Variants in ATP7B observed in about 807,000 individuals in gnomAD.
ATP7B encodes the protein copper-transporting ATPase 2.
ATP7B carries 113 observed loss-of-function variants against 118.9 expected under a neutral mutation model. The ratio of observed to expected loss-of-function variants is 0.95; its 90% CI spans 0.82 to 1.11. The LOEUF (loss-of-function observed/expected upper bound fraction) is 1.11, where lower values mean the gene tolerates loss of function less well. ATP7B is among the 50% of genes most tolerant of loss of function. The pLI is 0.00. For missense variants in ATP7B, 1,867 were observed against 1,871.4 expected (o/e 1.00, Z 0.04); for synonymous variants, 777 against 727.4 (o/e 1.07, Z -1.10).
At chr13:51,978,967 G>A (rs911051723) in intron 1 of ATP7B, 3 of 152,258 alleles carry the variant, frequency 2.0e-5, no homozygotes, top group African/African-American at 7.2e-5. Context: ...GCTTGCTGCC[G>A]GCTAGGGGCT....
In ATP7B at chr13:51,939,091, G is replaced by A. The variant is rs193922107; in HGVS notation, c.3659C>T (p.Thr1220Met). 7 of 1,614,212 alleles carry A rather than the reference G, an allele frequency of 4.3e-6. No individual in the cohort carries two copies. The highest frequency in any genetic ancestry group is 1.6e-4 in the Middle Eastern group (1 of 6,062). The change falls in exon 17 of 21, where the codon ACG (threonine) becomes ATG (methionine). Residue 1220 changes from threonine to methionine, a missense_variant. By Grantham distance (81) the Thr-to-Met change is moderately conservative. Coordinates refer to ENST00000242839, the MANE Select transcript of ATP7B (RefSeq NM_000053.4). ...QSMGVDVVLITGDNRKTARAI... is the reference protein window; with the variant it reads ...QSMGVDVVLIMGDNRKTARAI... ...TCTGGCTGTCTTCCGGTTGTCCCCC[G>A]TGATCAGAACCACGTCCACACCCAT... is the stretch of plus-strand genomic sequence containing the variant.
chr13:51,950,407 A>G lies in ATP7B; in HGVS notation c.2448-8T>C. ...ATGGGGACTTGCTCCTCCCTGCAACAAACGCCACTTATCACTCACATGGCC... is the reference window on the plus strand; with the variant it reads ...ATGGGGACTTGCTCCTCCCTGCAACGAACGCCACTTATCACTCACATGGCC... On this transcript the variant is annotated splice_region_variant and splice_polypyrimidine_tract_variant and intron_variant, in intron 9 of 20. Transcript: ENST00000242839. The G allele has an allele frequency of 6.2e-7, 1 of 1,613,780 alleles. No individual in the cohort carries two copies. The highest frequency in any genetic ancestry group is 8.5e-7 in the Non-Finnish European group (1 of 1,180,024).
At position 51,937,389 on chromosome 13, in the gene ATP7B, T is replaced by A; in HGVS notation, c.3908A>T (p.Asp1303Val). 6.2e-7 allele frequency: 1 copy of A among 1,614,162 alleles called. No individual in the cohort carries two copies. The highest frequency in any genetic ancestry group is 8.5e-7 in the Non-Finnish European group (1 of 1,180,034). ...AATGCTAGCCACCACATCCAGCAAA[T>A]CATTCTGATGGAGAGGAGCACACAG... ...EAADVVLIRN[D>V]LLDVVASIHL... is the part of the protein sequence containing the mutation. The change falls in exon 19 of 21, where the codon GAT becomes GTT. Residue 1303 changes from aspartate to valine, a missense_variant. Coordinates refer to ENST00000242839, the MANE Select transcript of ATP7B (RefSeq NM_000053.4).
rs781688887 is a variant in ATP7B, at chr13:51,964,992, C to T, written c.1749G>A (p.Glu583=). 3 of 1,614,186 alleles carry T rather than the reference C, an allele frequency of 1.9e-6. No homozygotes were observed. The highest frequency in any genetic ancestry group is 3.3e-5 in the Admixed American group (2 of 60,024). ...TGCCATTTGTCCTCGTGAGTTTGGA[C>T]TCTATGTTGTGGACACAGGACGCGC... ...MTCASCVHNI[E]SKLTRTNGIT... is the part of the protein sequence containing the mutation. Residue 583 remains glutamate, a synonymous_variant, in exon 5 of 21, where the codon GAG becomes GAA. Coordinates refer to ENST00000242839, the MANE Select transcript of ATP7B (RefSeq NM_000053.4).
chr13:52,001,246 C>G (rs547487543), intron 1 of ATP7B, among the ~76,000 whole-genome samples: 1 of 152,262 alleles, frequency 6.6e-6, no homozygotes, highest in Admixed American at 6.5e-5. Flanking sequence ...CTGCTCTTAG[C>G]CCCTAAAGTC....
chr13:51,970,780 T>C (rs1375334128), intron 2 of ATP7B, 31 bp from the exon 3 acceptor site: 3 of 1,608,188 alleles, frequency 1.9e-6, no homozygotes, highest in Non-Finnish European at 2.6e-6. Context: ...ATATTCAAAT[T>C]AGAAGAGCAA....
rs144090600 is a variant in ATP7B, at chr13:51,953,804, T to C, written c.2448-3405A>G. 4.2e-3 allele frequency among the ~76,000 whole-genome samples: 598 copies of C among 141,890 alleles called. 4 individuals carry two copies. The highest frequency in any genetic ancestry group is 0.013 in the African/African-American group (507 of 38,300). 93.1% of individuals were successfully genotyped at this position (141,890 alleles called of 152,430 possible). A position where few individuals can be genotyped will look rare whatever the true frequency, so the allele number is the denominator to read the frequency against. On this transcript the variant is annotated intron_variant, in intron 9 of 20. Transcript: ENST00000242839. Reference sequence around the variant, plus strand: ...AACAAAGAAAAAACTTATAGCATTATGGTCACTGGTCTAGATATGATTTGT... The same window carrying C: ...AACAAAGAAAAAACTTATAGCATTACGGTCACTGGTCTAGATATGATTTGT...
intron 1 of ATP7B, 134 bp downstream of exon 1, chr13:52,011,153 G>T: frequency 7.5e-7 from 1 of 1,326,050 alleles, no homozygotes. Flanking sequence ...CCCACGCCAA[G>T]ACATCCCTGG....
intron 4 of ATP7B, among the ~76,000 whole-genome samples, chr13:51,965,707 G>A (rs1951515821): frequency 6.6e-6 from 1 of 152,186 alleles, no homozygotes. Context: ...AGGCTTCTCT[G>A]GACACAGGAT....
At position 51,934,814 on chromosome 13, in the gene ATP7B, T is replaced by G; in HGVS notation, c.4340A>C (p.Asp1447Ala). Residue 1447 changes from aspartate to alanine, a missense_variant, in exon 21 of 21, where the codon GAT (aspartate) becomes GCT (alanine). Transcript: ENST00000242839. ...KPSRHSAAAD[D>A]DGDKWSLLLN... Reference sequence around the variant, plus strand: ...GAGCAGAGACCACTTGTCCCCATCATCGTCTGCTGCAGCGCTGTGCCGAGA... The same window carrying G: ...GAGCAGAGACCACTTGTCCCCATCAGCGTCTGCTGCAGCGCTGTGCCGAGA... 1.2e-6 allele frequency: 2 copies of G among 1,614,162 alleles called. No individual in the cohort carries two copies. Among genetic ancestry groups the G allele is most frequent in the Non-Finnish European group, 1.7e-6 (2 of 1,180,040 alleles).
At chr13:51,935,760 G>T in intron 19 of ATP7B, 65 bp from the exon 20 acceptor site, 1 of 1,447,726 alleles carries the variant, frequency 6.9e-7, no homozygotes. Flanking sequence ...AGGGCTTCAG[G>T]CACCGGGCTG....
rs1333907571 is a variant in ATP7B at position 51,950,312 on chromosome 13, G to GT, written c.2534_2535insA (p.Leu846ProfsTer8). 1 of 1,613,978 alleles carries GT rather than the reference G, an allele frequency of 6.2e-7. No homozygotes were observed. The highest frequency in any genetic ancestry group is 8.5e-7 in the Non-Finnish European group (1 of 1,180,032). On this transcript the variant is annotated frameshift_variant, in exon 10 of 21. Coordinates refer to ENST00000242839, the MANE Select transcript of ATP7B (RefSeq NM_000053.4). LOFTEE classifies it high-confidence loss of function. ...CATCAGCCATGGTATTGCCTTCCAG[G>GT]ACTTTCCCATCCACTGGAAACTTTC...
intron 1 of ATP7B, among the ~76,000 whole-genome samples, chr13:52,004,771 C>T (rs1390946982): frequency 6.6e-6 from 1 of 152,192 alleles, no homozygotes; most frequent in Non-Finnish European, 1.5e-5. Flanking sequence ...CAATTCATGA[C>T]TGATGGTACT....
At chr13:52,009,864 C>G (rs1244794604) in intron 1 of ATP7B, among the ~76,000 whole-genome samples, 1 of 152,124 alleles carries the variant, frequency 6.6e-6, no homozygotes, top group Non-Finnish European at 1.5e-5. Context: ...ATGTTGATAA[C>G]AAGATATAAT....
At chr13:52,011,198 C>G (rs1954016034) in intron 1 of ATP7B, 89 bp downstream of exon 1, 2 of 1,601,008 alleles carry the variant, frequency 1.2e-6, no homozygotes. Context: ...CTGCGCACCC[C>G]CTGGGGGCGA....
chr13:51,955,949 G>A (rs955518446), intron 9 of ATP7B, among the ~76,000 whole-genome samples: 3 of 152,174 alleles, frequency 2.0e-5, no homozygotes, highest in African/African-American at 7.2e-5. Context: ...TCTGCTGCCT[G>A]CCTGCCATGG....
Position 51,958,427 on chromosome 13 carries a change from T to C in ATP7B, c.2239A>G (p.Ile747Val), listed in dbSNP as rs1441513081. Reference protein sequence around the residue: ...TSIAYVYSLVILVVAVAEKAE... With the variant: ...TSIAYVYSLVVLVVAVAEKAE... ...TTCTCAGCCACAGCAACCACCAGGATGACCAGAGAATAAACATAAGCAATG... is the reference window on the plus strand; with the variant it reads ...TTCTCAGCCACAGCAACCACCAGGACGACCAGAGAATAAACATAAGCAATG... Residue 747 changes from isoleucine to valine, a missense_variant, in exon 8 of 21, where the codon ATC (isoleucine) becomes GTC (valine). By Grantham distance (29) the Ile-to-Val change is conservative (BLOSUM62 3). Coordinates refer to ENST00000242839, the MANE Select transcript of ATP7B (RefSeq NM_000053.4). The C allele has an allele frequency of 6.2e-7, 1 of 1,614,208 alleles. No homozygotes were observed. The highest frequency in any genetic ancestry group is 8.5e-7 in the Non-Finnish European group (1 of 1,180,034).
chr13:51,986,522 T>C (rs1952656826), intron 1 of ATP7B, among the ~76,000 whole-genome samples: 1 of 152,138 alleles, frequency 6.6e-6, no homozygotes, highest in Non-Finnish European at 1.5e-5. Context: ...CTGAAACTAT[T>C]CCAAACAATA....
Position 51,941,184 on chromosome 13 carries a change from A to C in ATP7B, c.3453T>G (p.Arg1151=). The change falls in exon 16 of 21, where the codon CGT becomes CGG. Residue 1151 remains arginine, a synonymous_variant. Coordinates refer to ENST00000242839, the MANE Select transcript of ATP7B (RefSeq NM_000053.4). ...TTAAACCGTTGCGCCTCAGCCACTC[A>C]CGGTTTCCAATCAGCACAGAGAAGG... ...PQTFSVLIGN[R]EWLRRNGLTI... is the part of the protein sequence containing the mutation. The C allele has an allele frequency of 6.2e-7, 1 of 1,614,128 alleles. No homozygotes were observed. The highest frequency in any genetic ancestry group is 8.5e-7 in the Non-Finnish European group (1 of 1,180,018).
Sources: gnomAD v4.1 joint callset for allele counts (sites outside exome capture counted in the v4.1 genomes callset) on GRCh38, gnomAD v4.1.1 for gene constraint, MANE v1.5 for transcripts, NCBI Gene and HGNC (gene_info 2026-07-23, HGNC 2026-07-21) for gene names.